USP44: variants seen among roughly 807,000 people sequenced by gnomAD.
The protein encoded by USP44 is ubiquitin specific peptidase 44.
USP44 carries 61 observed loss-of-function variants against 69.0 expected under a neutral mutation model. The ratio of observed to expected loss-of-function variants is 0.88; its 90% CI spans 0.72 to 1.09. USP44 has a LOEUF of 1.09. Ranked by LOEUF, USP44 falls within the 50% of genes least tolerant of loss-of-function variation. The pLI is 0.00. For missense variants in USP44, 753 were observed against 849.9 expected (o/e 0.89, Z 1.42); for synonymous variants, 297 against 295.4 (o/e 1.01, Z -0.06).
intron 2 of USP44, 110 bp downstream of exon 2, chr12:95,532,719 C>T (rs757039844): frequency 9.5e-5 from 82 of 862,504 alleles, no homozygotes; most frequent in Non-Finnish European, 1.3e-4. Context: ...TCTATTTTGA[C>T]CTGAAAATGG....
At chr12:95,519,597 C>T (rs1218319451) in intron 5 of USP44, among the ~76,000 whole-genome samples, 2 of 150,762 alleles carry the variant, frequency 1.3e-5, no homozygotes, top group African/African-American at 2.5e-5. Flanking sequence ...CCCGCCACCA[C>T]GCCCGGCTAA....
At chr12:95,524,033 C>T (rs557360640) in intron 4 of USP44, among the ~76,000 whole-genome samples, 53 of 151,854 alleles carry the variant, frequency 3.5e-4, no homozygotes, top group Non-Finnish European at 7.1e-4. Flanking sequence ...TGTGTCACCA[C>T]GCCTGGCTAA....
intron 2 of USP44, 25 bp from the exon 3 acceptor site, chr12:95,529,027 A>G (rs769590332): frequency 3.8e-6 from 6 of 1,572,618 alleles, no homozygotes; most frequent in Non-Finnish European, 5.2e-6. Flanking sequence ...ATGAGTTCCT[A>G]AGATTATAAT....
chr12:95,539,400 G>C (rs971235823), intron 1 of USP44, among the ~76,000 whole-genome samples: 1 of 151,890 alleles, frequency 6.6e-6, no homozygotes, highest in Non-Finnish European at 1.5e-5. Context: ...TAATTTTTCT[G>C]TATTTGTAAT....
Position 95,518,194 on chromosome 12 carries a change from T to A in USP44, c.2099A>T (p.Asn700Ile), listed in dbSNP as rs200268233. 4 of 1,614,150 alleles carry A rather than the reference T, an allele frequency of 2.5e-6. No individual in the cohort carries two copies. Among genetic ancestry groups the A allele is most frequent in the Non-Finnish European group, 3.4e-6 (4 of 1,180,034 alleles). Residue 700 changes from asparagine (N) to isoleucine (I), a missense_variant, in exon 6 of 6, where the codon AAT becomes ATT. Transcript: ENST00000258499. ...ATTAGACGAGGTATCAGCGTCTTCATTGGGATGTTGGCTCCCCAACAGGAG... is the reference window on the plus strand; with the variant it reads ...ATTAGACGAGGTATCAGCGTCTTCAATGGGATGTTGGCTCCCCAACAGGAG... ...PELLLGSQHPNEDADTSSNEI... is the reference protein window; with the variant it reads ...PELLLGSQHPIEDADTSSNEI...
chr12:95,543,500 GA>G (rs2077463811), intron 1 of USP44, among the ~76,000 whole-genome samples: 3 of 148,018 alleles, frequency 2.0e-5, no homozygotes, highest in Admixed American at 2.0e-4. Context: ...AAAAAAAGAA[GA>G]AAAAAAGAGA....
At chr12:95,540,761 A>G (rs1205977383) in intron 1 of USP44, among the ~76,000 whole-genome samples, 3 of 152,276 alleles carry the variant, frequency 2.0e-5, no homozygotes, top group Admixed American at 6.5e-5. Context: ...CTAGAGTACA[A>G]TATTTTGGTA....
chr12:95,541,571 C>G (rs919955516), intron 1 of USP44, among the ~76,000 whole-genome samples: 1 of 151,982 alleles, frequency 6.6e-6, no homozygotes, highest in Non-Finnish European at 1.5e-5. Context: ...AAGAGCAAGA[C>G]CCTGTCTCAA....
chr12:95,540,707 T>C (rs1364330255), intron 1 of USP44, among the ~76,000 whole-genome samples: 2 of 152,168 alleles, frequency 1.3e-5, no homozygotes, highest in African/African-American at 4.8e-5. Context: ...CTATTACTTT[T>C]CATTTCCACA....
intron 5 of USP44, 94 bp downstream of exon 5, chr12:95,520,903 G>T: frequency 8.5e-7 from 1 of 1,177,728 alleles, no homozygotes; most frequent in Non-Finnish European, 1.2e-6. Context: ...GAGTAGCTTT[G>T]TTTATGATTT....
chr12:95,527,220 G>C (rs1278813581), intron 3 of USP44, among the ~76,000 whole-genome samples: 1 of 150,736 alleles, frequency 6.6e-6, no homozygotes, highest in Non-Finnish European at 1.5e-5. Context: ...TCGGCCTCTT[G>C]AATAGCTGGG....
chr12:95,531,864 A>G (rs2077030973), intron 2 of USP44, among the ~76,000 whole-genome samples: 1 of 152,254 alleles, frequency 6.6e-6, no homozygotes, highest in Admixed American at 6.5e-5. Flanking sequence ...GGGAAAGTAG[A>G]GAACCTTATG....
chr12:95,526,041 G>C (rs1471754039), intron 3 of USP44, among the ~76,000 whole-genome samples: 1 of 152,208 alleles, frequency 6.6e-6, no homozygotes, highest in Admixed American at 6.5e-5. Flanking sequence ...AGCCAGATAG[G>C]GGATATCAAC....
chr12:95,551,123 G>C (rs953354778), intron 1 of USP44, 149 bp downstream of exon 1: 1 of 151,632 alleles, frequency 6.6e-6, no homozygotes, highest in African/African-American at 2.4e-5. Context: ...TTTTTACATA[G>C]CAATCATAGT....
intron 3 of USP44, among the ~76,000 whole-genome samples, chr12:95,525,678 C>T (rs947915023): frequency 6.6e-6 from 1 of 152,200 alleles, no homozygotes; most frequent in Non-Finnish European, 1.5e-5. Context: ...AAGCGTTTTG[C>T]TTTTGCTCTT....
chr12:95,532,661 AGAAG>A (rs2140290077), intron 2 of USP44, among the ~76,000 whole-genome samples, 164 bp downstream of exon 2: 1 of 152,284 alleles, frequency 6.6e-6, no homozygotes, highest in South Asian at 2.1e-4. Flanking sequence ...GATTCATGAA[AGAAG>A]GAATTGAGTG....
rs745770034 is a variant in USP44 at position 95,535,908 on chromosome 12, A to G, written c.-70-1582T>C. On this transcript the variant is annotated intron_variant, in intron 1 of 5. Coordinates refer to ENST00000258499, the MANE Select transcript of USP44 (RefSeq NM_032147.5). ...CTCCAGGCCTTAAGAAAACTGCAAA[A>G]GCAGTTGATTTTTGGTTCCTTCCCA... Among the ~76,000 whole-genome samples the G allele has an allele frequency of 1.0e-3, 159 of 152,270 alleles. 4 individuals carry two copies. The highest frequency in any genetic ancestry group is 6.8e-3 in the Middle Eastern group (2 of 294).
rs1418724748 is a variant in USP44, at chr12:95,518,309, T to C, written c.1984A>G (p.Met662Val). The C allele has an allele frequency of 6.2e-7, 1 of 1,614,084 alleles. No individual in the cohort carries two copies. The highest frequency in any genetic ancestry group is 1.3e-5 in the African/African-American group (1 of 74,930). The change falls in exon 6 of 6, where the codon ATG (methionine) becomes GTG (valine). Residue 662 changes from methionine to valine, a missense_variant. By Grantham distance (21) the Met-to-Val change is conservative (BLOSUM62 1). Coordinates refer to ENST00000258499, the MANE Select transcript of USP44 (RefSeq NM_032147.5). The part of the protein sequence containing the change: ...CNDSKLSMCT[M>V]DEVCKAQAYI... ...GCTTGAGCCTTGCATACTTCATCCA[T>C]AGTGCACATGCTTAGTTTGGAATCA... is the stretch of plus-strand genomic sequence containing the variant.
chr12:95,542,237 T>C (rs928648934), intron 1 of USP44, among the ~76,000 whole-genome samples: 1 of 152,204 alleles, frequency 6.6e-6, no homozygotes, highest in Non-Finnish European at 1.5e-5. Flanking sequence ...ACTTGCCAAA[T>C]GTGAATCCTT....
Sources: allele counts gnomAD v4.1 joint callset (sites outside exome capture counted in the v4.1 genomes callset), GRCh38; gene constraint gnomAD v4.1.1; transcripts MANE v1.5; gene names NCBI Gene and HGNC (gene_info 2026-07-23, HGNC 2026-07-21).